The following P3H2 variants were observed in gnomAD, a reference collection of about 807,000 sequenced individuals.
The protein encoded by P3H2 is leprecan-like 1.
Under a neutral mutation model 87.0 loss-of-function variants are expected in P3H2, and 80 were observed. That is an observed-to-expected ratio of 0.92 (90% CI 0.77 to 1.11). The LOEUF is 1.11. Among genes scored for constraint, P3H2 ranks in the 50% least tolerant of loss-of-function variants. The pLI, the probability that P3H2 is intolerant of heterozygous loss-of-function variation, is 0.00. For synonymous variants in P3H2, 367 were observed against 359.3 expected (o/e 1.02, Z -0.24); for missense variants, 1,001 against 923.9 (o/e 1.08, Z -1.08).
chr3:190,018,778 G>A (rs1242727581), intron 1 of P3H2, among the ~76,000 whole-genome samples: 1 of 152,154 alleles, frequency 6.6e-6, no homozygotes. Context: ...TTAGATATAG[G>A]CATAAGAGGG....
At chr3:190,015,346 A>C (rs1724718607) in intron 1 of P3H2, among the ~76,000 whole-genome samples, 1 of 152,208 alleles carries the variant, frequency 6.6e-6, no homozygotes, top group Admixed American at 6.5e-5. Context: ...TAAAGGCTTA[A>C]ATAGTATAAT....
chr3:190,007,406 G>C (rs1158345270), intron 1 of P3H2, among the ~76,000 whole-genome samples: 1 of 152,124 alleles, frequency 6.6e-6, no homozygotes, highest in Non-Finnish European at 1.5e-5. Context: ...TTGTGGGTTG[G>C]AGAAATTTTT....
chr3:190,085,509 G>C (rs1050969408), intron 1 of P3H2, among the ~76,000 whole-genome samples: 4 of 152,196 alleles, frequency 2.6e-5, no homozygotes, highest in Non-Finnish European at 5.9e-5. Context: ...AGCATTTGCA[G>C]CTCCACACAG....
intron 1 of P3H2, chr3:190,116,744 G>A (rs1449383138): frequency 3.9e-5 from 6 of 152,158 alleles, no homozygotes; most frequent in African/African-American, 7.2e-5. Context: ...TATATATTAC[G>A]TCTTAGGCTA....
At chr3:190,069,840 T>C (rs1316079972) in intron 1 of P3H2, among the ~76,000 whole-genome samples, 1 of 152,174 alleles carries the variant, frequency 6.6e-6, no homozygotes, top group Non-Finnish European at 1.5e-5. Context: ...TGGAAACATT[T>C]ATGAGTGACA....
chr3:190,017,548 G>C (rs143845463), intron 1 of P3H2, among the ~76,000 whole-genome samples: 6 of 152,268 alleles, frequency 3.9e-5, no homozygotes, highest in African/African-American at 1.4e-4. Context: ...AATGGGAAAT[G>C]GATTTTAGCA....
chr3:190,052,104 G>A (rs185136057), intron 1 of P3H2, among the ~76,000 whole-genome samples: 102 of 152,192 alleles, frequency 6.7e-4, no homozygotes, highest in African/African-American at 2.4e-3. Flanking sequence ...TTAAGTTCTG[G>A]GATACACGTG....
At chr3:190,082,410 C>T (rs867971310) in intron 1 of P3H2, among the ~76,000 whole-genome samples, 5 of 152,072 alleles carry the variant, frequency 3.3e-5, no homozygotes, top group Non-Finnish European at 7.4e-5. Context: ...AATAATAATG[C>T]CCACCCAAAG....
chr3:190,076,779 C>T (rs530605185), intron 1 of P3H2, among the ~76,000 whole-genome samples: 2 of 152,318 alleles, frequency 1.3e-5, no homozygotes, highest in South Asian at 2.1e-4. Flanking sequence ...GGTAAGGACA[C>T]ACCACAGCCT....
chr3:190,026,303 A>G (rs1231976671), intron 1 of P3H2, among the ~76,000 whole-genome samples: 1 of 152,204 alleles, frequency 6.6e-6, no homozygotes, highest in Admixed American at 6.5e-5. Context: ...TGGCTGGGTA[A>G]AAGGAGCCTG....
At chr3:190,063,344 C>G (rs1726392358) in intron 1 of P3H2, among the ~76,000 whole-genome samples, 1 of 152,162 alleles carries the variant, frequency 6.6e-6, no homozygotes, top group Admixed American at 6.5e-5. Context: ...CAGCATTCCA[C>G]AGGCAAAAGC....
At chr3:189,989,949 G>T (rs1719605) in intron 3 of P3H2, among the ~76,000 whole-genome samples, 114,896 of 152,172 alleles carry the variant, frequency 0.76, 44,011 homozygotes, top group East Asian at 0.92. Flanking sequence ...AATGAAGATG[G>T]ATGTATTTTC....
rs1041521509 is a variant in P3H2 at position 189,956,775 on chromosome 3, C to A, written c.*1137G>T. The A allele has an allele frequency of 9.1e-6, 2 of 218,810 alleles. No individual in the cohort carries two copies. Among genetic ancestry groups the A allele is most frequent in the African/African-American group, 2.3e-5 (1 of 44,106 alleles). The allele number at this position is 218,810 out of a possible 1,614,324, so 13.6% of individuals were successfully genotyped here. A position where few individuals can be genotyped will look rare whatever the true frequency, so the allele number is the denominator to read the frequency against. The stretch of plus-strand genomic sequence containing the variant: ...AAACAAATCAGACACAAGCACAAAT[C>A]TGTGTGCTGGATAGCAGCAATGAGG... On this transcript the variant is annotated 3_prime_UTR_variant, in exon 15 of 15. Transcript: ENST00000319332.
chr3:190,113,085 T>C (rs1431151708), intron 1 of P3H2, among the ~76,000 whole-genome samples: 2 of 152,250 alleles, frequency 1.3e-5, no homozygotes, highest in Non-Finnish European at 2.9e-5. Context: ...ATGTCCACTT[T>C]GTCTCTGAAG....
At chr3:190,066,136 G>T (rs1726490433) in intron 1 of P3H2, among the ~76,000 whole-genome samples, 1 of 116,810 alleles carries the variant, frequency 8.6e-6, no homozygotes, top group African/African-American at 4.0e-5. Flanking sequence ...TAAAGAAACT[G>T]TGGTGTGTAT....
chr3:190,024,530 C>CAAAAAAAAA (rs71635314), intron 1 of P3H2, among the ~76,000 whole-genome samples: 7 of 52,870 alleles, frequency 1.3e-4, no homozygotes, highest in Admixed American at 2.5e-4. Context: ...GGTTCCCTCT[C>CAAAAAAAAA]AAAAAAAAAA....
intron 1 of P3H2, among the ~76,000 whole-genome samples, chr3:190,097,212 G>A (rs1319339860): frequency 6.6e-6 from 1 of 151,524 alleles, no homozygotes; most frequent in Non-Finnish European, 1.5e-5. Context: ...CAAAAGCAAG[G>A]AGAATCAATG....
intron 1 of P3H2, among the ~76,000 whole-genome samples, chr3:190,073,042 TCA>T (rs1240405031): frequency 6.6e-6 from 1 of 152,228 alleles, no homozygotes; most frequent in East Asian, 1.9e-4. Context: ...ACTTTAAAAA[TCA>T]CAAAGTCACG....
intron 6 of P3H2, among the ~76,000 whole-genome samples, chr3:189,985,095 T>C (rs1723648332): frequency 6.6e-6 from 1 of 151,916 alleles, no homozygotes. Context: ...ATATTAGAAA[T>C]AGTACATTAA....
Sources: gnomAD v4.1 joint callset for allele counts (sites outside exome capture counted in the v4.1 genomes callset) on GRCh38, gnomAD v4.1.1 for gene constraint, MANE v1.5 for transcripts, NCBI Gene and HGNC (gene_info 2026-07-23, HGNC 2026-07-21) for gene names.